The following PTPRN2 variants were observed in gnomAD, a reference collection of about 807,000 sequenced individuals.
PTPRN2 encodes receptor-type tyrosine-protein phosphatase N2.
PTPRN2 carries 74 observed loss-of-function variants against 118.8 expected under a neutral mutation model. That is an observed-to-expected ratio of 0.62 (90% CI 0.52 to 0.76). The LOEUF (loss-of-function observed/expected upper bound fraction) is 0.76, where lower values mean the gene tolerates loss of function less well. Among genes scored for constraint, PTPRN2 ranks in the 30% least tolerant of loss-of-function variants. PTPRN2 has a pLI of 0.00. For synonymous variants in PTPRN2, 641 were observed against 608.0 expected (o/e 1.05, Z -0.80); for missense variants, 1,481 against 1,394.4 (o/e 1.06, Z -0.99).
rs377591860 is a variant in PTPRN2, at chr7:157,618,852, C to T, written c.2344+2510G>A. ...GGCCTCTCAACCCTGAAGGGCAGTG[C>T]TGTGTCTTCACACCCTGGCACATGG... On this transcript the variant is annotated intron_variant, in intron 15 of 22. Coordinates refer to ENST00000389418, the MANE Select transcript of PTPRN2 (RefSeq NM_002847.5). The surrounding 1 kb of genome is among the most constrained non-coding windows in gnomAD (Gnocchi z 4.2). 2.0e-5 allele frequency: 3 copies of T among 152,378 alleles called. No individual in the cohort carries two copies. Among genetic ancestry groups the T allele is most frequent in the East Asian group, 3.9e-4 (2 of 5,180 alleles). 9.4% of individuals were successfully genotyped at this position (152,378 alleles called of 1,614,324 possible). A position where few individuals can be genotyped will look rare whatever the true frequency, so the allele number is the denominator to read the frequency against.
intron 11 of PTPRN2, among the ~76,000 whole-genome samples, chr7:157,915,469 C>T (rs948329752): frequency 1.4e-5 from 2 of 147,400 alleles, no homozygotes; most frequent in Non-Finnish European, 3.0e-5. Flanking sequence ...GCCACACACA[C>T]ACACATCCAG....
At chr7:158,557,702 T>C (rs902459384) in intron 1 of PTPRN2, among the ~76,000 whole-genome samples, 2 of 152,222 alleles carry the variant, frequency 1.3e-5, no homozygotes, top group African/African-American at 4.8e-5. Flanking sequence ...GCTCCTCCTC[T>C]AGTGAGCAAC....
chr7:158,241,551 A>T (rs931436493), intron 3 of PTPRN2, among the ~76,000 whole-genome samples: 2 of 152,174 alleles, frequency 1.3e-5, no homozygotes, highest in Non-Finnish European at 2.9e-5. Context: ...TTTAAATTTA[A>T]ATTTTAAAAA....
chr7:158,436,034 T>C (rs1320765962), intron 2 of PTPRN2, among the ~76,000 whole-genome samples: 1 of 152,226 alleles, frequency 6.6e-6, no homozygotes, highest in African/African-American at 2.4e-5. Context: ...TACTGTGCCA[T>C]GCACTTAAAA....
intron 11 of PTPRN2, among the ~76,000 whole-genome samples, chr7:157,913,803 T>G (rs1001944083): frequency 6.6e-5 from 10 of 152,258 alleles, no homozygotes; most frequent in African/African-American, 2.4e-4. Context: ...TGTCATTCCC[T>G]GTACTGTAAT....
intron 14 of PTPRN2, among the ~76,000 whole-genome samples, chr7:157,624,914 G>T (rs975094391): frequency 1.3e-5 from 2 of 152,150 alleles, no homozygotes; most frequent in Non-Finnish European, 1.5e-5. Context: ...CAAAAAGTGG[G>T]CTAAGGACAT....
At chr7:158,341,372 CA>C (rs1806739968) in intron 2 of PTPRN2, among the ~76,000 whole-genome samples, 1 of 150,474 alleles carries the variant, frequency 6.6e-6, no homozygotes. Flanking sequence ...ATGCAGACGT[CA>C]CTCACACCCA....
chr7:157,595,191 T>A, intron 17 of PTPRN2, 47 bp downstream of exon 17: 1 of 1,564,834 alleles, frequency 6.4e-7, no homozygotes, highest in Non-Finnish European at 8.8e-7. Context: ...ACCCAGTTAT[T>A]GAGATCTTCT....
chr7:158,502,332 T>A (rs1190169833), intron 1 of PTPRN2, among the ~76,000 whole-genome samples: 1 of 152,210 alleles, frequency 6.6e-6, no homozygotes, highest in Non-Finnish European at 1.5e-5. Context: ...ACAAAAAAAC[T>A]TAGCCAACTC....
At position 158,238,013 on chromosome 7, in the gene PTPRN2, G is replaced by A. The variant is rs117130220; in HGVS notation, c.278-32740C>T. On this transcript the variant is annotated intron_variant, in intron 3 of 22. Coordinates refer to ENST00000389418, the MANE Select transcript of PTPRN2 (RefSeq NM_002847.5). ...CACACCTGTGCTGGCTGCTCCCGAC[G>A]TCCCTGGAGGCCAGCTGTTCCGGCA... Among the ~76,000 whole-genome samples, 1,336 of 152,232 alleles carry A rather than the reference G, an allele frequency of 8.8e-3. 60 individuals are homozygous for A. The East Asian group carries it at 0.14, about 16-fold the overall frequency.
chr7:157,960,324 G>C (rs1483112293), intron 11 of PTPRN2, among the ~76,000 whole-genome samples: 2 of 152,132 alleles, frequency 1.3e-5, no homozygotes, highest in African/African-American at 4.8e-5. Context: ...AGTTAAAATG[G>C]TAAATTTTAC....
intron 2 of PTPRN2, among the ~76,000 whole-genome samples, chr7:158,378,998 C>T (rs1810754310): frequency 6.6e-6 from 1 of 152,176 alleles, no homozygotes; most frequent in Admixed American, 6.5e-5. Flanking sequence ...GCACGCACTC[C>T]TGTCTCTCAG....
chr7:158,350,261 T>A (rs886517044), intron 2 of PTPRN2, among the ~76,000 whole-genome samples: 2 of 152,144 alleles, frequency 1.3e-5, no homozygotes, highest in African/African-American at 4.8e-5. Flanking sequence ...GGCACTTCCA[T>A]CTCCGCTCCC....
rs115362018 is a variant in PTPRN2, at chr7:157,799,187, G to A, written c.1788+99486C>T. 5.6e-3 allele frequency among the ~76,000 whole-genome samples: 858 copies of A among 152,238 alleles called. 7 individuals carry two copies. Among genetic ancestry groups the A allele is most frequent in the African/African-American group, 0.019 (803 of 41,520 alleles). On this transcript the variant is annotated intron_variant, in intron 12 of 22. Transcript: ENST00000389418. ...GAGCACGCTGTGTGCTCGTGGGGAG[G>A]AAGGGCTGGGTGAGGCTGGAGCGTG...
intron 1 of PTPRN2, among the ~76,000 whole-genome samples, chr7:158,513,027 C>T (rs895588809): frequency 4.6e-5 from 7 of 152,184 alleles, no homozygotes; most frequent in African/African-American, 9.7e-5. Flanking sequence ...GAGCATGACG[C>T]GTCACTCACG....
intron 2 of PTPRN2, among the ~76,000 whole-genome samples, chr7:158,451,767 A>G (rs1348368037): frequency 6.6e-6 from 1 of 152,194 alleles, no homozygotes; most frequent in Admixed American, 6.5e-5. Context: ...ACTTCCCAGG[A>G]GTCAGGCTGG....
At chr7:157,613,891 C>G in intron 15 of PTPRN2, 1 of 385,762 alleles carries the variant, frequency 2.6e-6, no homozygotes. Flanking sequence ...ACGAGCAGAC[C>G]TCGGCGCTGC....
chr7:158,545,549 G>A (rs1360177306), intron 1 of PTPRN2, among the ~76,000 whole-genome samples: 3 of 152,142 alleles, frequency 2.0e-5, no homozygotes, highest in African/African-American at 4.8e-5. Flanking sequence ...CTGGAATATC[G>A]TTGGTGGGGC....
At chr7:158,234,850 C>T (rs1186201279) in intron 3 of PTPRN2, among the ~76,000 whole-genome samples, 3 of 152,208 alleles carry the variant, frequency 2.0e-5, no homozygotes, top group Non-Finnish European at 4.4e-5. Flanking sequence ...GCAACCTCCA[C>T]CTCCTGGATT....
Sources: allele counts gnomAD v4.1 joint callset (sites outside exome capture counted in the v4.1 genomes callset), GRCh38; gene constraint gnomAD v4.1.1; non-coding constraint Gnocchi (gnomAD v3.1); transcripts MANE v1.5; gene names NCBI Gene and HGNC (gene_info 2026-07-23, HGNC 2026-07-21).